Variants in PARD3B observed in about 807,000 individuals in gnomAD.
PARD3B encodes partitioning defective 3 homolog B.
A neutral mutation model predicts 130.2 loss-of-function variants in PARD3B; 103 were observed. The ratio of observed to expected loss-of-function variants is 0.79; its 90% CI spans 0.67 to 0.93. The LOEUF (loss-of-function observed/expected upper bound fraction) is 0.93, where lower values mean the gene tolerates loss of function less well. Among genes scored for constraint, PARD3B ranks in the 40% least tolerant of loss-of-function variants. The probability of loss-of-function intolerance (pLI) is 0.00; values close to 1 mark genes in which losing one functional copy is unlikely to be tolerated. For missense variants in PARD3B, 1,609 were observed against 1,499.2 expected (o/e 1.07, Z -1.21); for synonymous variants, 583 against 553.2 (o/e 1.05, Z -0.76).
intron 21 of PARD3B, among the ~76,000 whole-genome samples, chr2:205,509,278 C>T (rs2050498703): frequency 6.6e-6 from 1 of 152,028 alleles, no homozygotes; most frequent in Non-Finnish European, 1.5e-5. Flanking sequence ...TACAAAAACC[C>T]ACTAAAATCC....
At chr2:204,741,247 T>G (rs1201343516) in intron 2 of PARD3B, among the ~76,000 whole-genome samples, 4 of 152,170 alleles carry the variant, frequency 2.6e-5, no homozygotes, top group Non-Finnish European at 5.9e-5. Flanking sequence ...AAGATACAAT[T>G]AGTATTTATA....
intron 5 of PARD3B, among the ~76,000 whole-genome samples, chr2:205,106,965 C>A (rs567509308): frequency 2.0e-5 from 3 of 152,224 alleles, no homozygotes; most frequent in African/African-American, 7.2e-5. Flanking sequence ...AATTAGGAAG[C>A]CAATTCTGTC....
chr2:205,409,773 A>G (rs769778778), intron 19 of PARD3B, among the ~76,000 whole-genome samples: 37 of 152,132 alleles, frequency 2.4e-4, no homozygotes, highest in Non-Finnish European at 3.7e-4. Context: ...TGTACCCTGG[A>G]GTGATGTATT....
At chr2:204,642,353 C>G (rs1401213520) in intron 1 of PARD3B, among the ~76,000 whole-genome samples, 2 of 152,130 alleles carry the variant, frequency 1.3e-5, no homozygotes, top group African/African-American at 4.8e-5. Context: ...CCATGCTGTT[C>G]TTCACACTGG....
At chr2:205,134,505 C>T (rs538703203) in intron 10 of PARD3B, among the ~76,000 whole-genome samples, 1 of 152,110 alleles carries the variant, frequency 6.6e-6, no homozygotes, top group South Asian at 2.1e-4. Flanking sequence ...GCCTGGGCAA[C>T]AGAGTGAGAC....
intron 2 of PARD3B, among the ~76,000 whole-genome samples, chr2:204,826,807 G>T (rs1047552832): frequency 6.6e-6 from 1 of 152,028 alleles, no homozygotes; most frequent in Non-Finnish European, 1.5e-5. Flanking sequence ...ATGGCTTGAG[G>T]CCAAGAGTGG....
chr2:205,040,109 G>A (rs2125393096), intron 3 of PARD3B, among the ~76,000 whole-genome samples: 1 of 152,124 alleles, frequency 6.6e-6, no homozygotes, highest in East Asian at 2.0e-4. Flanking sequence ...GACTACGAGT[G>A]CATGCCACCA....
At chr2:204,959,343 G>A (rs963409204) in intron 2 of PARD3B, among the ~76,000 whole-genome samples, 1 of 152,156 alleles carries the variant, frequency 6.6e-6, no homozygotes, top group Admixed American at 6.6e-5. Context: ...ATTCCATTGT[G>A]TATATGTGCC....
chr2:205,031,600 C>T (rs1697428868), intron 3 of PARD3B, among the ~76,000 whole-genome samples: 1 of 152,072 alleles, frequency 6.6e-6, no homozygotes, highest in South Asian at 2.1e-4. Flanking sequence ...CATATTTCCC[C>T]TCATCTTGGT....
chr2:204,801,093 C>T (rs934735999), intron 2 of PARD3B, among the ~76,000 whole-genome samples: 3 of 152,088 alleles, frequency 2.0e-5, no homozygotes, highest in Admixed American at 6.5e-5. Context: ...GTACCAGTAC[C>T]ATGCTGTTTG....
intron 22 of PARD3B, among the ~76,000 whole-genome samples, chr2:205,557,597 G>T (rs1488758791): frequency 6.6e-6 from 1 of 152,170 alleles, no homozygotes; most frequent in Non-Finnish European, 1.5e-5. Context: ...TGATGGAATT[G>T]CTTCAGGCTC....
chr2:205,085,405 T>G (rs1413124449), intron 4 of PARD3B, among the ~76,000 whole-genome samples: 1 of 152,016 alleles, frequency 6.6e-6, no homozygotes, highest in Non-Finnish European at 1.5e-5. Context: ...GTTTCATTAT[T>G]TCATTTTAAA....
chr2:205,509,690 A>G (rs771972581), intron 21 of PARD3B, among the ~76,000 whole-genome samples: 29 of 152,188 alleles, frequency 1.9e-4, no homozygotes, highest in Non-Finnish European at 3.7e-4. Context: ...GCTATTCCTG[A>G]TGCTCTGTTG....
At chr2:205,409,847 C>A (rs1297110077) in intron 19 of PARD3B, among the ~76,000 whole-genome samples, 1 of 152,048 alleles carries the variant, frequency 6.6e-6, no homozygotes, top group African/African-American at 2.4e-5. Context: ...TACTGAATTA[C>A]CTAGAACGAT....
intron 22 of PARD3B, among the ~76,000 whole-genome samples, chr2:205,602,947 G>A (rs1439135522): frequency 1.3e-5 from 2 of 152,042 alleles, no homozygotes; most frequent in African/African-American, 4.8e-5. Flanking sequence ...TTTTAATTGT[G>A]ATGTTAGGGT....
chr2:205,040,390 G>T (rs1575614443), intron 3 of PARD3B, among the ~76,000 whole-genome samples: 1 of 152,210 alleles, frequency 6.6e-6, no homozygotes, highest in East Asian at 1.9e-4. Context: ...CTTCTTTGAG[G>T]TGACAGTGCT....
intron 10 of PARD3B, among the ~76,000 whole-genome samples, chr2:205,153,792 G>C (rs1374010464): frequency 6.6e-6 from 1 of 152,084 alleles, no homozygotes. Flanking sequence ...ACAAGAAATG[G>C]GGAAAGGATT....
intron 3 of PARD3B, among the ~76,000 whole-genome samples, chr2:204,991,232 C>G (rs1240927324): frequency 4.1e-5 from 6 of 146,256 alleles, no homozygotes; most frequent in Non-Finnish European, 1.5e-5. Flanking sequence ...CCCCCTCCCC[C>G]CAACCCACCA....
chr2:205,601,449 G>C (rs1423423362), intron 22 of PARD3B, among the ~76,000 whole-genome samples: 4 of 152,140 alleles, frequency 2.6e-5, no homozygotes, highest in African/African-American at 9.7e-5. Context: ...TCTGTAGGCT[G>C]TCTGCTCATT....
Sources: gnomAD v4.1 joint callset for allele counts (sites outside exome capture counted in the v4.1 genomes callset) on GRCh38, gnomAD v4.1.1 for gene constraint, MANE v1.5 for transcripts, NCBI Gene and HGNC (gene_info 2026-07-23, HGNC 2026-07-21) for gene names.